The following SYN3 variants were observed in gnomAD, a reference collection of about 807,000 sequenced individuals.
The protein encoded by SYN3 is synapsin-3.
A neutral mutation model predicts 65.8 loss-of-function variants in SYN3; 35 were observed. The observed-to-expected ratio is 0.53, with a 90% CI of 0.41 to 0.70. The LOEUF (loss-of-function observed/expected upper bound fraction) is 0.70, where lower values mean the gene tolerates loss of function less well. Ranked by LOEUF, SYN3 falls within the 30% of genes least tolerant of loss-of-function variation. The pLI is 0.00. For synonymous variants in SYN3, 270 were observed against 292.9 expected, an observed-to-expected ratio of 0.92 and a Z score of 0.80; for missense variants, 680 against 749.0, an observed-to-expected ratio of 0.91 and a Z score of 1.08.
At chr22:32,892,252 C>T (rs548636134) in intron 4 of SYN3, among the ~76,000 whole-genome samples, 34 of 152,136 alleles carry the variant, frequency 2.2e-4, no homozygotes, top group African/African-American at 6.7e-4. Context: ...GCTGAGATCA[C>T]GCCACTGCAC....
At chr22:32,572,273 C>CGTT (rs1424840920) in intron 7 of SYN3, among the ~76,000 whole-genome samples, 1 of 71,228 alleles carries the variant, frequency 1.4e-5, no homozygotes, top group Non-Finnish European at 2.4e-5. Flanking sequence ...CTTCCTTCCC[C>CGTT]CCTCCCTCCC....
At chr22:32,872,371 G>C (rs959611616) in intron 4 of SYN3, among the ~76,000 whole-genome samples, 1 of 152,182 alleles carries the variant, frequency 6.6e-6, no homozygotes, top group Non-Finnish European at 1.5e-5. Context: ...TCCTAGAGAA[G>C]AAAACTAGAC....
chr22:33,054,272 T>C (rs1445923063), intron 1 of SYN3, among the ~76,000 whole-genome samples: 1 of 152,196 alleles, frequency 6.6e-6, no homozygotes, highest in African/African-American at 2.4e-5. Flanking sequence ...CCTGTCTCTA[T>C]GTGGATGTTT....
intron 6 of SYN3, among the ~76,000 whole-genome samples, chr22:32,740,131 T>C (rs149758027): frequency 6.6e-5 from 10 of 152,338 alleles, no homozygotes; most frequent in Admixed American, 3.9e-4. Context: ...TGTCTTCTAA[T>C]ATTTGAAGGG....
At chr22:32,933,971 C>T (rs985309057) in intron 3 of SYN3, among the ~76,000 whole-genome samples, 4 of 152,112 alleles carry the variant, frequency 2.6e-5, no homozygotes, top group South Asian at 2.1e-4. Context: ...TAGAGCAAAC[C>T]GGGAGTACTT....
In SYN3 at chr22:33,006,511, G is replaced by A. The variant is rs779970724; in HGVS notation, c.152C>T (p.Ser51Phe). Reference protein sequence around the residue: ...ERRHPQPLAASFSSPGSSLFS... With the variant: ...ERRHPQPLAAFFSSPGSSLFS... ...AAGGCTGGATCCTGGAGAGGAGAAG[G>A]AGGCAGCCAGGGGCTGGGGGTGCCT... The change falls in exon 2 of 14, where the codon TCC (serine) becomes TTC (phenylalanine). Residue 51 changes from serine (S) to phenylalanine (F), a missense_variant. Coordinates refer to ENST00000358763, the MANE Select transcript of SYN3 (RefSeq NM_003490.4). 2 of 1,614,238 alleles carry A rather than the reference G, an allele frequency of 1.2e-6. No individual in the cohort carries two copies. Among genetic ancestry groups the A allele is most frequent in the Non-Finnish European group, 8.5e-7 (1 of 1,180,044 alleles).
intron 7 of SYN3, among the ~76,000 whole-genome samples, chr22:32,577,392 T>C (rs2058867358): frequency 6.6e-6 from 1 of 152,230 alleles, no homozygotes; most frequent in Non-Finnish European, 1.5e-5. Flanking sequence ...TATGACAATG[T>C]AATCATTTGC....
chr22:32,913,333 T>C (rs1048889055), intron 4 of SYN3, among the ~76,000 whole-genome samples: 1 of 152,040 alleles, frequency 6.6e-6, no homozygotes, highest in African/African-American at 2.4e-5. Context: ...TAATTTTTTG[T>C]ATTTTTAGTA....
intron 6 of SYN3, among the ~76,000 whole-genome samples, chr22:32,773,815 A>T (rs187251448): frequency 1.3e-4 from 20 of 152,244 alleles, no homozygotes; most frequent in Admixed American, 1.1e-3. Flanking sequence ...AGAGGGTACT[A>T]TGGGGGAGGA....
intron 7 of SYN3, among the ~76,000 whole-genome samples, chr22:32,569,571 C>CTATATA (rs1555898682): frequency 1.9e-3 from 174 of 90,882 alleles, no homozygotes; most frequent in African/African-American, 4.2e-3. Context: ...CTCTCTCTCT[C>CTATATA]TATATATATA....
At chr22:32,603,356 C>CTAAAAAA (rs2059313619) in intron 6 of SYN3, among the ~76,000 whole-genome samples, 1 of 125,968 alleles carries the variant, frequency 7.9e-6, no homozygotes. Context: ...ACTAAAAATA[C>CTAAAAAA]AAAAAAAAAA....
intron 3 of SYN3, among the ~76,000 whole-genome samples, chr22:32,958,544 AATT>A (rs1404795024): frequency 6.6e-6 from 1 of 152,170 alleles, no homozygotes; most frequent in African/African-American, 2.4e-5. Context: ...ACAATATAAT[AATT>A]ATTACATACT....
chr22:32,802,227 G>T, intron 6 of SYN3: 3 of 1,461,822 alleles, frequency 2.1e-6, no homozygotes, highest in Non-Finnish European at 2.7e-6. Flanking sequence ...CCCCAGGAGA[G>T]GGGCAGACGG....
chr22:32,527,290 C>T (rs1254758840), intron 12 of SYN3, among the ~76,000 whole-genome samples: 2 of 152,178 alleles, frequency 1.3e-5, no homozygotes, highest in Non-Finnish European at 2.9e-5. Context: ...CCATTTTCTG[C>T]CTCCTTGGGC....
At chr22:32,797,800 C>A (rs2046465245) in intron 6 of SYN3, among the ~76,000 whole-genome samples, 1 of 152,214 alleles carries the variant, frequency 6.6e-6, no homozygotes, top group Non-Finnish European at 1.5e-5. Context: ...CAGGACCCAT[C>A]TCCCCTTCAG....
At chr22:32,711,371 T>A (rs751736064) in intron 6 of SYN3, among the ~76,000 whole-genome samples, 1 of 152,168 alleles carries the variant, frequency 6.6e-6, no homozygotes, top group Non-Finnish European at 1.5e-5. Context: ...AATTCATCAG[T>A]TAGCAGTGAG....
chr22:32,592,115 T>A (rs1043134181), intron 7 of SYN3, among the ~76,000 whole-genome samples: 1 of 152,094 alleles, frequency 6.6e-6, no homozygotes, highest in Non-Finnish European at 1.5e-5. Flanking sequence ...CCACTGGGGG[T>A]CTTGGAATGT....
At position 32,837,486 on chromosome 22, in the gene SYN3, C is replaced by G. The variant is rs1441593939; in HGVS notation, c.711+27429G>C. ...AGATGCCCAGCCAAAACACCCAGGG[C>G]GAAACCACTCCAAGAGGTGAAAGGG... On this transcript the variant is annotated intron_variant, in intron 6 of 13. Coordinates refer to ENST00000358763, the MANE Select transcript of SYN3 (RefSeq NM_003490.4). The surrounding 1 kb of genome is among the most constrained non-coding windows in gnomAD (Gnocchi z 4.1). 6.6e-6 allele frequency among the ~76,000 whole-genome samples: 1 copy of G among 152,078 alleles called. No homozygotes were observed. The highest frequency in any genetic ancestry group is 2.4e-5 in the African/African-American group (1 of 41,396).
At chr22:32,584,329 T>G (rs1224555576) in intron 7 of SYN3, 1 of 152,192 alleles carries the variant, frequency 6.6e-6, no homozygotes, top group East Asian at 1.9e-4. Context: ...AATTTGTGAA[T>G]TGTATGTGAC....
Sources: gnomAD v4.1 joint callset for allele counts (sites outside exome capture counted in the v4.1 genomes callset) on GRCh38, gnomAD v4.1.1 for gene constraint, Gnocchi (gnomAD v3.1) non-coding constraint, MANE v1.5 for transcripts, NCBI Gene and HGNC (gene_info 2026-07-23, HGNC 2026-07-21) for gene names.